CTIF: variants seen among roughly 807,000 people sequenced by gnomAD.
CTIF encodes cap binding complex dependent translation initiation factor, also known as CBP80/20-dependent translation initiation factor.
Under a neutral mutation model 66.0 loss-of-function variants are expected in CTIF, and 21 were observed. That is an observed-to-expected ratio of 0.32 (90% CI 0.23 to 0.46). The LOEUF is 0.46. Among genes scored for constraint, CTIF ranks in the 20% least tolerant of loss-of-function variants. CTIF has a pLI of 1.00. For missense variants in CTIF, 739 were observed against 812.7 expected, an observed-to-expected ratio of 0.91 and a Z score of 1.10; for synonymous variants, 345 against 326.4, an observed-to-expected ratio of 1.06 and a Z score of -0.62.
chr18:48,619,278 A>G (rs1232650560), intron 1 of CTIF, among the ~76,000 whole-genome samples: 1 of 152,208 alleles, frequency 6.6e-6, no homozygotes, highest in Admixed American at 6.5e-5. Flanking sequence ...CTGACACTGC[A>G]CAGTGCCTGT....
intron 9 of CTIF, among the ~76,000 whole-genome samples, chr18:48,815,188 A>G (rs769550851): frequency 5.3e-5 from 8 of 152,234 alleles, no homozygotes; most frequent in African/African-American, 1.9e-4. Flanking sequence ...TACTGCCTAT[A>G]TGTATCCCAT....
chr18:48,676,187 C>T (rs549026199), intron 6 of CTIF, among the ~76,000 whole-genome samples: 4 of 152,304 alleles, frequency 2.6e-5, no homozygotes, highest in East Asian at 1.9e-4. Flanking sequence ...CTCAGGTTCC[C>T]GGGCACAGGG....
At chr18:48,636,761 T>A in intron 3 of CTIF, 76 bp downstream of exon 3, 2 of 1,167,210 alleles carry the variant, frequency 1.7e-6, no homozygotes, top group Non-Finnish European at 2.3e-6. Flanking sequence ...CGGCCCACAG[T>A]GGCTCCTGAG....
intron 10 of CTIF, 61 bp from the exon 11 acceptor site, chr18:48,857,527 T>C (rs937022): frequency 0.064 from 96,329 of 1,511,982 alleles, 7,040 homozygotes; most frequent in African/African-American, 0.32. Context: ...TGCAGGGAGC[T>C]ACAGGGCCCA....
rs938759011 is a variant in CTIF at position 48,860,841 on chromosome 18, C to T, written c.*1282C>T. 2.6e-5 allele frequency: 4 copies of T among 152,340 alleles called. No homozygotes were observed. The highest frequency in any genetic ancestry group is 3.9e-4 in the East Asian group (2 of 5,178). 9.4% of individuals were successfully genotyped at this position (152,340 alleles called of 1,614,324 possible). ...GGGTCGCCAGATGAAGCTTCCCAGC[C>T]GGGAAACAAGACGGGGTTTCTTGGC... On this transcript the variant is annotated 3_prime_UTR_variant, in exon 12 of 12. Transcript: ENST00000256413.
At chr18:48,602,744 T>G (rs2090113043) in intron 1 of CTIF, among the ~76,000 whole-genome samples, 1 of 152,238 alleles carries the variant, frequency 6.6e-6, no homozygotes, top group Non-Finnish European at 1.5e-5. Context: ...TCCGTAACAT[T>G]CAATACCAAG....
intron 1 of CTIF, among the ~76,000 whole-genome samples, chr18:48,557,816 C>T (rs2089058509): frequency 6.6e-6 from 1 of 152,364 alleles, no homozygotes; most frequent in Middle Eastern, 3.4e-3. Context: ...CACACGGTCT[C>T]TCCTCTGTGT....
chr18:48,734,205 C>G (rs550127279), intron 7 of CTIF, among the ~76,000 whole-genome samples: 3 of 152,344 alleles, frequency 2.0e-5, no homozygotes, highest in East Asian at 1.9e-4. Context: ...GGGAGACCCT[C>G]GGCTGCACCT....
At chr18:48,786,302 C>A (rs569009873) in intron 9 of CTIF, among the ~76,000 whole-genome samples, 1 of 152,278 alleles carries the variant, frequency 6.6e-6, no homozygotes, top group East Asian at 1.9e-4. Flanking sequence ...CTGTCTGGGT[C>A]AGTTTGAACC....
intron 9 of CTIF, among the ~76,000 whole-genome samples, chr18:48,800,164 G>A (rs1381464187): frequency 6.6e-6 from 1 of 152,186 alleles, no homozygotes; most frequent in African/African-American, 2.4e-5. Context: ...TGACAGGATG[G>A]ATTTTTCTTC....
At chr18:48,806,003 G>T (rs892576404) in intron 9 of CTIF, among the ~76,000 whole-genome samples, 3 of 152,132 alleles carry the variant, frequency 2.0e-5, no homozygotes, top group Non-Finnish European at 4.4e-5. Context: ...CTAGCAAAAA[G>T]TCAGGTCATC....
rs186950962 is a variant in CTIF at position 48,665,274 on chromosome 18, C to G, written c.431+723C>G. On this transcript the variant is annotated intron_variant, in intron 5 of 11. Coordinates refer to ENST00000256413, the MANE Select transcript of CTIF (RefSeq NM_014772.3). ...TGCTGATGCTGGTCCAGGGACCACACTTGGGGAGCAGCTGGTGTCATGCCT... is the reference window on the plus strand; with the variant it reads ...TGCTGATGCTGGTCCAGGGACCACAGTTGGGGAGCAGCTGGTGTCATGCCT... 2.8e-3 allele frequency among the ~76,000 whole-genome samples: 427 copies of G among 152,318 alleles called. 1 individual carries two copies. Among genetic ancestry groups the G allele is most frequent in the African/African-American group, 9.7e-3 (405 of 41,558 alleles).
intron 1 of CTIF, among the ~76,000 whole-genome samples, chr18:48,556,038 T>A (rs1051979408): frequency 2.0e-5 from 3 of 152,146 alleles, no homozygotes; most frequent in Admixed American, 6.5e-5. Context: ...TCTGGAAGCA[T>A]GAGGGTTTGG....
At chr18:48,613,491 C>A (rs1055394687) in intron 1 of CTIF, among the ~76,000 whole-genome samples, 3 of 152,054 alleles carry the variant, frequency 2.0e-5, no homozygotes, top group Admixed American at 2.0e-4. Context: ...AGTTTGTTTG[C>A]GTCTAGGGTG....
intron 7 of CTIF, among the ~76,000 whole-genome samples, chr18:48,722,813 C>T (rs969650055): frequency 1.3e-5 from 2 of 152,164 alleles, no homozygotes. Flanking sequence ...TACCCATCGG[C>T]GCTCATAGGT....
chr18:48,706,709 C>T (rs1003478620), intron 6 of CTIF, among the ~76,000 whole-genome samples: 4 of 152,118 alleles, frequency 2.6e-5, no homozygotes, highest in African/African-American at 9.7e-5. Context: ...GTTTTTGCAA[C>T]CAGAGCAATA....
At chr18:48,756,487 A>G (rs1010619200) in intron 7 of CTIF, among the ~76,000 whole-genome samples, 17 of 152,390 alleles carry the variant, frequency 1.1e-4, no homozygotes, top group Admixed American at 4.6e-4. Flanking sequence ...CAATTTGTTC[A>G]TAACATGCAA....
chr18:48,548,204 T>G (rs1209353207), intron 1 of CTIF, among the ~76,000 whole-genome samples: 2 of 152,164 alleles, frequency 1.3e-5, no homozygotes, highest in African/African-American at 4.8e-5. Context: ...AGCTGACACA[T>G]TCCCCATGCT....
intron 3 of CTIF, among the ~76,000 whole-genome samples, chr18:48,657,585 C>G (rs981194808): frequency 6.6e-6 from 1 of 152,010 alleles, no homozygotes; most frequent in Admixed American, 6.6e-5. Flanking sequence ...ACAACAATGA[C>G]GAGAGGAATC....
Sources: allele counts gnomAD v4.1 joint callset (sites outside exome capture counted in the v4.1 genomes callset), GRCh38; gene constraint gnomAD v4.1.1; transcripts MANE v1.5; gene names NCBI Gene and HGNC (gene_info 2026-07-23, HGNC 2026-07-21).